The following KLHDC8B variants were observed in gnomAD, a reference collection of about 807,000 sequenced individuals.
The protein encoded by KLHDC8B is kelch domain-containing protein 8B.
A neutral mutation model predicts 26.3 loss-of-function variants in KLHDC8B; 19 were observed. That is an observed-to-expected ratio of 0.72 (90% CI 0.50 to 1.06). KLHDC8B has a LOEUF of 1.06. Among genes scored for constraint, KLHDC8B ranks in the 50% least tolerant of loss-of-function variants. The pLI is 0.00. For synonymous variants in KLHDC8B, 150 were observed against 188.4 expected, an observed-to-expected ratio of 0.80 and a Z score of 1.67; for missense variants, 411 against 488.1, an observed-to-expected ratio of 0.84 and a Z score of 1.49.
chr3:49,174,608 G>C, intron 3 of KLHDC8B, 134 bp from the exon 4 acceptor site: 1 of 1,308,620 alleles, frequency 7.6e-7, no homozygotes, highest in Non-Finnish European at 1.0e-6. Flanking sequence ...AGGGACTGTA[G>C]GGTGGATGAT....
chr3:49,172,629 C>T lies in KLHDC8B; in HGVS notation c.-134-7C>T. ...GCCCTGACCCCTGTTTTCCCTCTTT[C>T]CTCCAGGTGAAGGCAAGGTCCCTGG... On this transcript the variant is annotated splice_region_variant and splice_polypyrimidine_tract_variant and intron_variant, in intron 1 of 5. Coordinates refer to ENST00000332780, the MANE Select transcript of KLHDC8B (RefSeq NM_173546.3). 2.6e-6 allele frequency: 2 copies of T among 778,772 alleles called. No individual in the cohort carries two copies. Among genetic ancestry groups the T allele is most frequent in the East Asian group, 2.7e-5 (1 of 37,174 alleles). 48.2% of individuals were successfully genotyped at this position (778,772 alleles called of 1,614,324 possible).
chr3:49,175,276 G>GT, intron 5 of KLHDC8B, 113 bp downstream of exon 5: 1 of 817,042 alleles, frequency 1.2e-6, no homozygotes, highest in Non-Finnish European at 1.9e-6. Flanking sequence ...TCAGGGCTTT[G>GT]TGAGCTCTTT....
At chr3:49,173,383 C>T (rs1427053994) in intron 2 of KLHDC8B, among the ~76,000 whole-genome samples, 3 of 152,130 alleles carry the variant, frequency 2.0e-5, no homozygotes, top group Non-Finnish European at 4.4e-5. Flanking sequence ...GATGGGAGAC[C>T]CCAGCCATGT....
intron 3 of KLHDC8B, 123 bp downstream of exon 3, chr3:49,174,526 G>C: frequency 2.4e-6 from 3 of 1,234,794 alleles, no homozygotes; most frequent in Non-Finnish European, 3.4e-6. Flanking sequence ...TTGTTGGGGT[G>C]ATCCATGCCT....
At chr3:49,174,518 G>T (rs1401929555) in intron 3 of KLHDC8B, 115 bp downstream of exon 3, 14 of 1,283,952 alleles carry the variant, frequency 1.1e-5, no homozygotes, top group Non-Finnish European at 1.5e-5. Flanking sequence ...GAGAAGCTTT[G>T]TTGGGGTGAT....
chr3:49,174,488 AG>A (rs1478887209), intron 3 of KLHDC8B, 85 bp downstream of exon 3: 110 of 1,421,146 alleles, frequency 7.7e-5, no homozygotes, highest in Non-Finnish European at 1.0e-4. Context: ...GATCAGGCTC[AG>A]TCCAGGATGG....
In KLHDC8B at chr3:49,175,058, G is replaced by A; in HGVS notation, c.767-4G>A. On this transcript the variant is annotated splice_polypyrimidine_tract_variant and splice_region_variant and intron_variant, in intron 4 of 5. Coordinates refer to ENST00000332780, the MANE Select transcript of KLHDC8B (RefSeq NM_173546.3). ...GACTAGATCTGACCTCCCCTCTCCT[G>A]CAGGGTCCTGGACCAAATTGCCCCG... 6.2e-7 allele frequency: 1 copy of A among 1,614,056 alleles called. No individual in the cohort carries two copies. The highest frequency in any genetic ancestry group is 8.5e-7 in the Non-Finnish European group (1 of 1,179,962).
Position 49,175,754 on chromosome 3 carries a change from G to C in KLHDC8B, c.1018G>C (p.Gly340Arg). ...GTTTGTTATTGGGGGTGTGGCCCAG[G>C]GCCCCAGTCAAGCCGTGGAGGCACT... ...RLFVIGGVAQGPSQAVEALCL... is the reference protein window; with the variant it reads ...RLFVIGGVAQRPSQAVEALCL... The change falls in exon 6 of 6, where the codon GGC becomes CGC. Residue 340 changes from glycine to arginine, a missense_variant. By Grantham distance (125) the Gly-to-Arg change is moderately radical. Transcript: ENST00000332780. 1 of 1,614,044 alleles carries C rather than the reference G, an allele frequency of 6.2e-7. No individual in the cohort carries two copies. Among genetic ancestry groups the C allele is most frequent in the East Asian group, 2.2e-5 (1 of 44,886 alleles).
chr3:49,173,362 G>C (rs1487558900), intron 2 of KLHDC8B, among the ~76,000 whole-genome samples: 2 of 152,106 alleles, frequency 1.3e-5, no homozygotes, highest in Non-Finnish European at 2.9e-5. Context: ...AGCCCAAGCC[G>C]ATCCCAGGAT....
chr3:49,172,557 G>T, intron 1 of KLHDC8B, 79 bp from the exon 2 acceptor site: 1 of 591,490 alleles, frequency 1.7e-6, no homozygotes, highest in South Asian at 2.1e-5. Flanking sequence ...GGCCAGCCCT[G>T]CCCTTAGCTA....
In KLHDC8B at chr3:49,175,049, C is replaced by T. The variant is rs2107660110; in HGVS notation, c.767-13C>T. 6.2e-7 allele frequency: 1 copy of T among 1,614,000 alleles called. No individual in the cohort carries two copies. Among genetic ancestry groups the T allele is most frequent in the Non-Finnish European group, 8.5e-7 (1 of 1,179,932 alleles). On this transcript the variant is annotated splice_polypyrimidine_tract_variant and intron_variant, in intron 4 of 5. Coordinates refer to ENST00000332780, the MANE Select transcript of KLHDC8B (RefSeq NM_173546.3). ...TGTGTACATGACTAGATCTGACCTCCCCTCTCCTGCAGGGTCCTGGACCAA... is the reference window on the plus strand; with the variant it reads ...TGTGTACATGACTAGATCTGACCTCTCCTCTCCTGCAGGGTCCTGGACCAA...
intron 1 of KLHDC8B, among the ~76,000 whole-genome samples, chr3:49,171,892 C>T (rs1420772886): frequency 6.6e-6 from 1 of 152,186 alleles, no homozygotes; most frequent in African/African-American, 2.4e-5. Context: ...CCCAGAAGTC[C>T]AGCTGCCCAT....
At position 49,172,997 on chromosome 3, in the gene KLHDC8B, T is replaced by C. The variant is rs2045782874; in HGVS notation, c.228T>C (p.Val76=). The C allele has an allele frequency of 6.2e-7, 1 of 1,613,926 alleles. No homozygotes were observed. The highest frequency in any genetic ancestry group is 2.2e-5 in the East Asian group (1 of 44,876). Residue 76 remains valine, a synonymous_variant, in exon 2 of 6, where the codon GTT becomes GTC. Coordinates refer to ENST00000332780, the MANE Select transcript of KLHDC8B (RefSeq NM_173546.3). The part of the protein sequence containing the change: ...PTARAGAAAV[V]LGKQVLVVGG... ...CCCGGGCTGGTGCAGCTGCGGTAGT[T>C]CTGGGCAAGCAGGTGCTAGTGGTGG...
rs1313509295 is a variant in KLHDC8B at position 49,175,659 on chromosome 3, G to A, written c.923G>A (p.Arg308His). 2.1e-5 allele frequency: 33 copies of A among 1,609,160 alleles called. No homozygotes were observed. The highest frequency in any genetic ancestry group is 2.4e-5 in the Non-Finnish European group (28 of 1,177,258). ...SVESFSLARR[R>H]WEALPAMPTA... The stretch of plus-strand genomic sequence containing the variant: ...GAGAGCTTTAGCCTTGCACGGCGGC[G>A]CTGGGAGGCATTGCCTGCCATGCCC... The change falls in exon 6 of 6, where the codon CGC (arginine) becomes CAC (histidine). Residue 308 changes from arginine (R) to histidine (H), a missense_variant. By Grantham distance (29) the Arg-to-His change is conservative (BLOSUM62 0). Transcript: ENST00000332780.
chr3:49,176,205 A>G lies in KLHDC8B; in HGVS notation c.*404A>G. The stretch of plus-strand genomic sequence containing the variant: ...GCCAGGCTGCCTTTAGGGTCCCTGC[A>G]GACCCAGGAGAGTTGAGAGGGTGGG... On this transcript the variant is annotated 3_prime_UTR_variant, in exon 6 of 6. Coordinates refer to ENST00000332780, the MANE Select transcript of KLHDC8B (RefSeq NM_173546.3). 1 of 186,732 alleles carries G rather than the reference A, an allele frequency of 5.4e-6. No individual in the cohort carries two copies. The highest frequency in any genetic ancestry group is 1.1e-5 in the Non-Finnish European group (1 of 90,676). 11.6% of individuals were successfully genotyped at this position (186,732 alleles called of 1,614,324 possible).
chr3:49,173,860 T>C (rs2045793024), intron 2 of KLHDC8B, among the ~76,000 whole-genome samples: 1 of 152,092 alleles, frequency 6.6e-6, no homozygotes, highest in South Asian at 2.1e-4. Context: ...ATCCCCATGT[T>C]TCTTACCCCT....
intron 1 of KLHDC8B, 93 bp from the exon 2 acceptor site, chr3:49,172,543 T>G: frequency 1.8e-6 from 1 of 562,722 alleles, no homozygotes; most frequent in Non-Finnish European, 3.2e-6. Context: ...CACCAGTGAT[T>G]TTGGGCCAGC....
At position 49,174,258 on chromosome 3, in the gene KLHDC8B, G is replaced by C; in HGVS notation, c.396G>C (p.Leu132=). Residue 132 remains leucine (L), a synonymous_variant, in exon 3 of 6, where the codon CTG becomes CTC. Coordinates refer to ENST00000332780, the MANE Select transcript of KLHDC8B (RefSeq NM_173546.3). ...ATGCAGATGGTATGGTGTATGCTCT[G>C]GGGGGAATGGGCCCTGACACGGCCC... is the stretch of plus-strand genomic sequence containing the variant. ...TVERDGMVYA[L]GGMGPDTAPQ... 1 of 1,612,928 alleles carries C rather than the reference G, an allele frequency of 6.2e-7. No individual in the cohort carries two copies. The highest frequency in any genetic ancestry group is 8.5e-7 in the Non-Finnish European group (1 of 1,179,160).
chr3:49,174,212 C>T (rs755485826), intron 2 of KLHDC8B, 27 bp from the exon 3 acceptor site: 18 of 1,570,230 alleles, frequency 1.1e-5, no homozygotes, highest in Non-Finnish European at 1.6e-5. Flanking sequence ...GGCTGAGGTA[C>T]AATCTGAACT....
Sources: gnomAD v4.1 joint callset for allele counts (sites outside exome capture counted in the v4.1 genomes callset) on GRCh38, gnomAD v4.1.1 for gene constraint, MANE v1.5 for transcripts, NCBI Gene and HGNC (gene_info 2026-07-23, HGNC 2026-07-21) for gene names.